Variants in PDE10A observed in about 807,000 individuals in gnomAD.
PDE10A encodes phosphodiesterase 10A.
A neutral mutation model predicts 97.7 loss-of-function variants in PDE10A; 39 were observed. That is an observed-to-expected ratio of 0.40 (90% CI 0.31 to 0.52). PDE10A has a LOEUF of 0.52. Among genes scored for constraint, PDE10A ranks in the 20% least tolerant of loss-of-function variants. The probability of loss-of-function intolerance (pLI) is 0.56; values close to 1 mark genes in which losing one functional copy is unlikely to be tolerated. For synonymous variants in PDE10A, 371 were observed against 376.8 expected, an observed-to-expected ratio of 0.98 and a Z score of 0.18; for missense variants, 731 against 1,047.8, an observed-to-expected ratio of 0.70 and a Z score of 4.17.
chr6:165,479,839 G>T (rs924589062), intron 3 of PDE10A, among the ~76,000 whole-genome samples: 1 of 152,154 alleles, frequency 6.6e-6, no homozygotes, highest in Non-Finnish European at 1.5e-5. Context: ...ATAGAGAAAA[G>T]GGAAGGGGAA....
At chr6:165,470,493 C>G (rs930330139) in intron 3 of PDE10A, among the ~76,000 whole-genome samples, 1 of 152,142 alleles carries the variant, frequency 6.6e-6, no homozygotes, top group Non-Finnish European at 1.5e-5. Context: ...GTGCCTTTCC[C>G]TTAGAGGATA....
chr6:165,408,891 C>T (rs1159163738), intron 13 of PDE10A, among the ~76,000 whole-genome samples: 3 of 151,996 alleles, frequency 2.0e-5, no homozygotes, highest in Admixed American at 6.6e-5. Context: ...TGGGGCAGGG[C>T]GCGGTGGCTC....
rs1429729444 is a variant in PDE10A, at chr6:165,330,527, T to C, written c.*2498A>G. The C allele has an allele frequency of 1.3e-5, 2 of 152,214 alleles. No individual in the cohort carries two copies. The highest frequency in any genetic ancestry group is 4.8e-5 in the African/African-American group (2 of 41,466). 9.4% of individuals were successfully genotyped at this position (152,214 alleles called of 1,614,324 possible). On this transcript the variant is annotated 3_prime_UTR_variant, in exon 22 of 22. Transcript: ENST00000539869. The stretch of plus-strand genomic sequence containing the variant: ...CATGGTAAAAGCAATATTGACAGTT[T>C]ATATCAGAATTCAGTCTTTTGTTCA...
intron 1 of PDE10A, among the ~76,000 whole-genome samples, chr6:165,749,661 CACTT>C (rs960950298): frequency 1.3e-5 from 2 of 152,240 alleles, no homozygotes; most frequent in Non-Finnish European, 2.9e-5. Flanking sequence ...CATATTGACA[CACTT>C]ACAGATTAAT....
At chr6:165,688,213 G>T (rs1791175697) in intron 1 of PDE10A, among the ~76,000 whole-genome samples, 1 of 152,124 alleles carries the variant, frequency 6.6e-6, no homozygotes, top group African/African-American at 2.4e-5. Flanking sequence ...AAAGAGAATT[G>T]GTTTACACGC....
chr6:165,669,347 T>C (rs1374940268), intron 1 of PDE10A, among the ~76,000 whole-genome samples: 1 of 152,176 alleles, frequency 6.6e-6, no homozygotes, highest in African/African-American at 2.4e-5. Flanking sequence ...GCCATATTCA[T>C]TTTATTTGGC....
intron 1 of PDE10A, among the ~76,000 whole-genome samples, chr6:165,701,445 TAAC>T (rs1430185622): frequency 2.0e-5 from 3 of 152,240 alleles, no homozygotes; most frequent in South Asian, 2.1e-4. Flanking sequence ...TTCTTTGATT[TAAC>T]AACAACTGTT....
chr6:165,454,494 C>CA (rs1777831124), intron 3 of PDE10A, among the ~76,000 whole-genome samples: 1 of 152,140 alleles, frequency 6.6e-6, no homozygotes, highest in Non-Finnish European at 1.5e-5. Context: ...GCCCCGTCTT[C>CA]ATAAATAGGT....
At chr6:165,681,301 G>A (rs1263103792) in intron 1 of PDE10A, among the ~76,000 whole-genome samples, 1 of 152,052 alleles carries the variant, frequency 6.6e-6, no homozygotes, top group Admixed American at 6.5e-5. Context: ...ACTTAGTTTC[G>A]TATGGCTATA....
At chr6:165,538,645 T>C (rs1783241886) in intron 2 of PDE10A, among the ~76,000 whole-genome samples, 1 of 152,154 alleles carries the variant, frequency 6.6e-6, no homozygotes, top group Admixed American at 6.5e-5. Flanking sequence ...ACTCACAATT[T>C]TTTACATTAG....
intron 2 of PDE10A, among the ~76,000 whole-genome samples, chr6:165,493,096 A>G (rs1780321489): frequency 6.6e-6 from 1 of 152,088 alleles, no homozygotes; most frequent in Non-Finnish European, 1.5e-5. Flanking sequence ...ATAGCTGCAA[A>G]AAAATAAAAT....
Position 165,806,656 on chromosome 6 carries a change from C to G in PDE10A, c.-615+180873G>C, listed in dbSNP as rs191862837. ...TGCATGGCTCTGCTGAGCGCCCCCCCCCAGGCTCTTCTTTAGACTTTGATG... is the reference window on the plus strand; with the variant it reads ...TGCATGGCTCTGCTGAGCGCCCCCCGCCAGGCTCTTCTTTAGACTTTGATG... On this transcript the variant is annotated intron_variant, in intron 1 of 19. Coordinates refer to the PDE10A transcript ENST00000366882. Among the ~76,000 whole-genome samples the G allele has an allele frequency of 2.9e-3, 447 of 151,544 alleles. 2 individuals carry two copies. Among genetic ancestry groups the G allele is most frequent in the African/African-American group, 0.01 (432 of 41,336 alleles).
At chr6:165,687,108 C>T (rs1014243901) in intron 1 of PDE10A, among the ~76,000 whole-genome samples, 2 of 152,244 alleles carry the variant, frequency 1.3e-5, no homozygotes, top group Non-Finnish European at 2.9e-5. Context: ...GGCTGCTTCC[C>T]ATCTCCCTCG....
chr6:165,758,422 C>T (rs1793167606), intron 1 of PDE10A, among the ~76,000 whole-genome samples: 1 of 151,824 alleles, frequency 6.6e-6, no homozygotes, highest in Admixed American at 6.6e-5. Flanking sequence ...GATTGTGTCA[C>T]TGCACTCCAG....
chr6:165,551,430 C>T (rs1784008488), intron 1 of PDE10A, among the ~76,000 whole-genome samples: 1 of 152,168 alleles, frequency 6.6e-6, no homozygotes, highest in Admixed American at 6.5e-5. Context: ...ATGTTATACA[C>T]GTTACACATA....
At chr6:165,928,007 T>A (rs1057239531) in intron 1 of PDE10A, among the ~76,000 whole-genome samples, 1 of 150,874 alleles carries the variant, frequency 6.6e-6, no homozygotes, top group Non-Finnish European at 1.5e-5. Context: ...GAGAATGACA[T>A]AAATTTTTAA....
rs956942637 is a variant in PDE10A, at chr6:165,329,113, T to G, written c.*3912A>C. 1 of 152,178 alleles carries G rather than the reference T, an allele frequency of 6.6e-6. No individual in the cohort carries two copies. Among genetic ancestry groups the G allele is most frequent in the Non-Finnish European group, 1.5e-5 (1 of 68,030 alleles). 9.4% of individuals were successfully genotyped at this position (152,178 alleles called of 1,614,324 possible). ...AATCCTAAATAAAATCTGCAAAGTG[T>G]AGAAAGCAAACATATGTTCGAAATA... On this transcript the variant is annotated 3_prime_UTR_variant, in exon 22 of 22. Transcript: ENST00000539869.
chr6:165,657,423 T>C (rs559947766), intron 1 of PDE10A, among the ~76,000 whole-genome samples: 99 of 152,354 alleles, frequency 6.5e-4, no homozygotes, highest in African/African-American at 2.3e-3. Flanking sequence ...TAAGGGAAAA[T>C]ATTCGTTTTA....
intron 17 of PDE10A, among the ~76,000 whole-genome samples, chr6:165,386,984 C>G (rs1034422544): frequency 6.6e-5 from 10 of 151,864 alleles, no homozygotes; most frequent in African/African-American, 2.2e-4. Context: ...CCACTGCACT[C>G]CAGCCTGGGC....
Sources: gnomAD v4.1 joint callset for allele counts (sites outside exome capture counted in the v4.1 genomes callset) on GRCh38, gnomAD v4.1.1 for gene constraint, MANE v1.5 for transcripts, NCBI Gene and HGNC (gene_info 2026-07-23, HGNC 2026-07-21) for gene names.